Variants in STPG3 observed in about 807,000 individuals in gnomAD.
STPG3 encodes protein STPG3.
STPG3 carries 39 observed loss-of-function variants against 32.5 expected under a neutral mutation model. The ratio of observed to expected loss-of-function variants is 1.20; its 90% CI spans 0.93 to 1.57. STPG3 has a LOEUF of 1.57. STPG3 is among the 40% of genes most tolerant of loss of function. The pLI, the probability that STPG3 is intolerant of heterozygous loss-of-function variation, is 0.00. For synonymous variants in STPG3, 209 were observed against 172.4 expected (o/e 1.21, Z -1.66); for missense variants, 507 against 407.6 (o/e 1.24, Z -2.10).
In STPG3 at chr9:137,252,528, TG is replaced by T; in HGVS notation, c.492+8del. 15 of 616,550 alleles carry T rather than the reference TG, an allele frequency of 2.4e-5. No individual in the cohort carries two copies. The highest frequency in any genetic ancestry group is 3.0e-5 in the Non-Finnish European group (14 of 473,302). 38.2% of individuals were successfully genotyped at this position (616,550 alleles called of 1,614,324 possible). Reference sequence around the variant, plus strand: ...CTGACTTCGACCAAGAGCAAAAGGTTGGGGGCTGGGCAGGAAGGGGGCGGGG... The same window carrying T: ...CTGACTTCGACCAAGAGCAAAAGGTTGGGGCTGGGCAGGAAGGGGGCGGGG... On this transcript the variant is annotated splice_donor_region_variant and intron_variant, in intron 4 of 5. Coordinates refer to ENST00000412566, the MANE Select transcript of STPG3 (RefSeq NM_001004353.4).
intron 4 of STPG3, 30 bp from the exon 5 acceptor site, chr9:137,252,632 C>T (rs1353589323): frequency 6.9e-7 from 1 of 1,457,224 alleles, no homozygotes; most frequent in Non-Finnish European, 9.1e-7. Flanking sequence ...GAGCACCCTG[C>T]CCTGCAGCCC....
chr9:137,252,362 G>T, intron 3 of STPG3, 75 bp from the exon 4 acceptor site: 1 of 1,481,320 alleles, frequency 6.8e-7, no homozygotes, highest in East Asian at 2.4e-5. Flanking sequence ...GGTGGGAACC[G>T]GGAGACAGGT....
At position 137,252,698 on chromosome 9, in the gene STPG3, C is replaced by T. The variant is rs754826810; in HGVS notation, c.529C>T (p.Pro177Ser). The T allele has an allele frequency of 6.4e-7, 1 of 1,550,580 alleles. No individual in the cohort carries two copies. The highest frequency in any genetic ancestry group is 1.4e-5 in the African/African-American group (1 of 73,164). The part of the protein sequence containing the change: ...SPAHYQLLSR[P>S]AFPAFSFRGC... ...AGCCCACTACCAGCTGCTCAGCCGG[C>T]CCGCCTTCCCCGCCTTCAGCTTCAG... The change falls in exon 5 of 6, where the codon CCC becomes TCC. Residue 177 changes from proline (P) to serine (S), a missense_variant. Pro to Ser is a moderately conservative substitution (Grantham distance 74, BLOSUM62 -1). Coordinates refer to ENST00000412566, the MANE Select transcript of STPG3 (RefSeq NM_001004353.4).
Position 137,253,279 on chromosome 9 carries a change from C to G in STPG3, c.*34C>G. Reference sequence around the variant, plus strand: ...GGGCACAACCTGCTTGGCCCGGCCACCGAGTGGAACCATGGCCTCCCCCGG... The same window carrying G: ...GGGCACAACCTGCTTGGCCCGGCCAGCGAGTGGAACCATGGCCTCCCCCGG... On this transcript the variant is annotated 3_prime_UTR_variant, in exon 6 of 6. Coordinates refer to ENST00000412566, the MANE Select transcript of STPG3 (RefSeq NM_001004353.4). The G allele has an allele frequency of 1.3e-6, 2 of 1,585,766 alleles. No individual in the cohort carries two copies. The highest frequency in any genetic ancestry group is 1.7e-6 in the Non-Finnish European group (2 of 1,167,054).
In STPG3 at chr9:137,252,512, A is replaced by G. The variant is rs1388125606; in HGVS notation, c.479A>G (p.Asp160Gly). 1 of 1,546,788 alleles carries G rather than the reference A, an allele frequency of 6.5e-7. No homozygotes were observed. Among genetic ancestry groups the G allele is most frequent in the Non-Finnish European group, 8.7e-7 (1 of 1,142,968 alleles). The change falls in exon 4 of 6, where the codon GAC becomes GGC. Residue 160 changes from aspartate to glycine, a missense_variant. Asp to Gly is a moderately conservative substitution (Grantham distance 94). Coordinates refer to ENST00000412566, the MANE Select transcript of STPG3 (RefSeq NM_001004353.4). ...CCCTTCACGCAGAAAGCTGACTTCG[A>G]CCAAGAGCAAAAGGTTGGGGGCTGG... ...ESPFTQKADF[D>G]QEQKWPSPAH...
At position 137,253,224 on chromosome 9, in the gene STPG3, AG is replaced by A; in HGVS notation, c.908del (p.Gly303AlafsTer43). On this transcript the variant is annotated frameshift_variant, in exon 6 of 6. Coordinates refer to ENST00000412566, the MANE Select transcript of STPG3 (RefSeq NM_001004353.4). LOFTEE classifies it high-confidence loss of function. ...TACGCAGACCCAAGCGCCACGACAC[AG>A]GCCCCTTCTGCACGCTCTAGAGCCA... ...GVRRPKRHDT[G>X]PFCTL 6.2e-7 allele frequency: 1 copy of A among 1,608,366 alleles called. No homozygotes were observed. The highest frequency in any genetic ancestry group is 8.5e-7 in the Non-Finnish European group (1 of 1,177,906).
chr9:137,251,671 C>G (rs544039067), intron 1 of STPG3, 67 bp from the exon 2 acceptor site: 160 of 1,517,354 alleles, frequency 1.1e-4, no homozygotes, highest in Non-Finnish European at 1.4e-4. Flanking sequence ...ATAGAGGGGA[C>G]AGGCTGTGGG....
chr9:137,252,347 C>A, intron 3 of STPG3, 90 bp from the exon 4 acceptor site: 1 of 1,423,042 alleles, frequency 7.0e-7, no homozygotes, highest in Non-Finnish European at 9.7e-7. Context: ...GGTTCAGGGG[C>A]CGAGGGTGGG....
Position 137,251,880 on chromosome 9 carries a change from A to G in STPG3, c.253A>G (p.Thr85Ala), listed in dbSNP as rs1449797322. The G allele has an allele frequency of 2.5e-6, 4 of 1,607,768 alleles. No homozygotes were observed. In the Admixed American group the frequency reaches 6.8e-5, roughly 27 times the overall value. The part of the protein sequence containing the change: ...PQESLPTYTQ[T>A]LRELLLEQRP... The stretch of plus-strand genomic sequence containing the variant: ...GGAGTCCCTGCCCACCTACACCCAG[A>G]CCCTGAGGGAACTATGTGAGTGAGG... Residue 85 changes from threonine (T) to alanine (A), a missense_variant, in exon 2 of 6, where the codon ACC (threonine) becomes GCC (alanine). By Grantham distance (58) the Thr-to-Ala change is moderately conservative. Transcript: ENST00000412566.
In STPG3 at chr9:137,251,729, C is replaced by T. The variant is rs1390657161; in HGVS notation, c.111-9C>T. 2.6e-6 allele frequency: 4 copies of T among 1,557,920 alleles called. No homozygotes were observed. The highest frequency in any genetic ancestry group is 3.5e-6 in the Non-Finnish European group (4 of 1,152,624). On this transcript the variant is annotated splice_polypyrimidine_tract_variant and intron_variant, in intron 1 of 5. Coordinates refer to ENST00000412566, the MANE Select transcript of STPG3 (RefSeq NM_001004353.4). ...GGGCTGAGACAGTGGCTGCTGGTCT[C>T]CCTTGCAGGCCCAAGGCATCTGTGC...
chr9:137,253,348 C>A lies in STPG3; in HGVS notation c.*103C>A. The A allele has an allele frequency of 6.5e-7, 1 of 1,544,406 alleles. No individual in the cohort carries two copies. Among genetic ancestry groups the A allele is most frequent in the Non-Finnish European group, 8.7e-7 (1 of 1,145,934 alleles). Reference sequence around the variant, plus strand: ...CTGGGACTTGGGGCCCCAGCCTGGCCTTCTGACCCTCTGGGCACCCCGATG... The same window carrying A: ...CTGGGACTTGGGGCCCCAGCCTGGCATTCTGACCCTCTGGGCACCCCGATG... On this transcript the variant is annotated 3_prime_UTR_variant, in exon 6 of 6. Transcript: ENST00000412566.
intron 5 of STPG3, 64 bp downstream of exon 5, chr9:137,253,029 G>C: frequency 2.0e-6 from 3 of 1,502,652 alleles, no homozygotes; most frequent in Middle Eastern, 1.8e-4. Flanking sequence ...GAGGACAAGG[G>C]TTCAGGGGCC....
In STPG3 at chr9:137,252,773, C is replaced by G. The variant is rs752666542; in HGVS notation, c.604C>G (p.Leu202Val). ...ACCTGAAGGCCACACCCACCTAGGG[C>G]TGCCTGGGGCTAGGGGGCTGGGCCT... is the stretch of plus-strand genomic sequence containing the variant. The part of the protein sequence containing the change: ...KTPEGHTHLG[L>V]PGARGLGLRV... Residue 202 changes from leucine (L) to valine (V), a missense_variant, in exon 5 of 6, where the codon CTG (leucine) becomes GTG (valine). By Grantham distance (32) the Leu-to-Val change is conservative (BLOSUM62 1). Transcript: ENST00000412566. 5 of 1,561,780 alleles carry G rather than the reference C, an allele frequency of 3.2e-6. No homozygotes were observed. In the East Asian group the frequency reaches 9.6e-5, roughly 30 times the overall value.
Position 137,251,747 on chromosome 9 carries a change from A to G in STPG3, c.120A>G (p.Ala40=). 2.5e-6 allele frequency: 4 copies of G among 1,569,718 alleles called. No individual in the cohort carries two copies. The highest frequency in any genetic ancestry group is 3.5e-6 in the Non-Finnish European group (4 of 1,158,654). ...QTQPEPTQPK[A]SVLLLGPEPG... ...CTGGTCTCCCTTGCAGGCCCAAGGC[A>G]TCTGTGCTGTTGTTGGGCCCGGAGC... Residue 40 remains alanine (A), a synonymous_variant, in exon 2 of 6, where the codon GCA becomes GCG. Transcript: ENST00000412566.
Position 137,252,074 on chromosome 9 carries a change from G to C in STPG3, c.342G>C (p.Pro114=), listed in dbSNP as rs74822962. 2 of 1,612,848 alleles carry C rather than the reference G, an allele frequency of 1.2e-6. No homozygotes were observed. The highest frequency in any genetic ancestry group is 1.3e-5 in the African/African-American group (1 of 74,910). Residue 114 remains proline, a synonymous_variant, in exon 3 of 6, where the codon CCG becomes CCC. Transcript: ENST00000412566. Reference sequence around the variant, plus strand: ...CCACCAGGTACCAGGTGCCGAGCCCGTCCGTACGAGAGTCCTCCCCACACC... The same window carrying C: ...CCACCAGGTACCAGGTGCCGAGCCCCTCCGTACGAGAGTCCTCCCCACACC... The part of the protein sequence containing the change: ...PSPTRYQVPS[P]SVRESSPHPH...
chr9:137,252,637 C>A (rs749126307), intron 4 of STPG3, 25 bp from the exon 5 acceptor site: 10 of 1,458,608 alleles, frequency 6.9e-6, no homozygotes, highest in Admixed American at 4.9e-5. Context: ...CCCTGCCCTG[C>A]AGCCCGTCTC....
chr9:137,252,142 G>T lies in STPG3; in HGVS notation c.403+7G>T. On this transcript the variant is annotated splice_region_variant and intron_variant, in intron 3 of 5. Coordinates refer to ENST00000412566, the MANE Select transcript of STPG3 (RefSeq NM_001004353.4). ...TGCAAGCACCAGGGCCGAGGTGTGT[G>T]TCCCCTCCCTGAGGCCCAACCACCG... 1 of 1,602,710 alleles carries T rather than the reference G, an allele frequency of 6.2e-7. No homozygotes were observed. The highest frequency in any genetic ancestry group is 8.5e-7 in the Non-Finnish European group (1 of 1,174,406).
chr9:137,252,344 G>A, intron 3 of STPG3, 93 bp from the exon 4 acceptor site: 1 of 1,415,300 alleles, frequency 7.1e-7, no homozygotes, highest in Non-Finnish European at 9.8e-7. Context: ...AAGGGTTCAG[G>A]GGCCGAGGGT....
rs1362566415 is a variant in STPG3, at chr9:137,252,298, G to T, written c.404-139G>T. The T allele has an allele frequency of 5.6e-5, 74 of 1,321,882 alleles. No individual in the cohort carries two copies. In the East Asian group the frequency reaches 1.7e-3, roughly 31 times the overall value. 81.9% of individuals were successfully genotyped at this position (1,321,882 alleles called of 1,614,324 possible). Reference sequence around the variant, plus strand: ...CTGTAAGGAGGCCTGGAGAGAGGAGGGCTAGGGCTGGGGCATGGGTGGACA... The same window carrying T: ...CTGTAAGGAGGCCTGGAGAGAGGAGTGCTAGGGCTGGGGCATGGGTGGACA... On this transcript the variant is annotated intron_variant, in intron 3 of 5. Transcript: ENST00000412566.
Sources: allele counts gnomAD v4.1 joint callset, GRCh38; gene constraint gnomAD v4.1.1; transcripts MANE v1.5; gene names NCBI Gene and HGNC (gene_info 2026-07-23, HGNC 2026-07-21).